Variants in EHMT1 observed in about 807,000 individuals in gnomAD.
EHMT1 encodes the protein euchromatic histone lysine methyltransferase 1.
EHMT1 carries 15 observed loss-of-function variants against 147.2 expected under a neutral mutation model. That is an observed-to-expected ratio of 0.10 (90% CI 0.07 to 0.16). The LOEUF is 0.16. EHMT1 is among the 10% of genes least tolerant of loss of function. The pLI is 1.00. For missense variants in EHMT1, 1,587 were observed against 1,772.4 expected (o/e 0.90, Z 1.88); for synonymous variants, 795 against 709.6 (o/e 1.12, Z -1.91).
At chr9:137,791,163 C>T (rs925811936) in intron 16 of EHMT1, among the ~76,000 whole-genome samples, 193 bp downstream of exon 16, 3 of 152,186 alleles carry the variant, frequency 2.0e-5, no homozygotes, top group Admixed American at 2.0e-4. Flanking sequence ...AGTGCTCACT[C>T]TCTACAGAGC....
intron 25 of EHMT1, among the ~76,000 whole-genome samples, chr9:137,818,597 C>G (rs1476875748): frequency 1.8e-3 from 153 of 87,080 alleles, no homozygotes; most frequent in East Asian, 2.4e-3. Context: ...GATTGAGGGG[C>G]GCCATGTACC....
In EHMT1 at chr9:137,828,413, A is replaced by T. The variant is rs1955966368; in HGVS notation, c.3541-5936A>T. On this transcript the variant is annotated intron_variant, in intron 25 of 26. Coordinates refer to ENST00000460843, the MANE Select transcript of EHMT1 (RefSeq NM_024757.5). This position sits in a 1 kb window ranked among gnomAD's most constrained non-coding sequence, Gnocchi z 5.3. ...CTGGGCTGGGTCATCAGGCATGACC[A>T]TTGCCAAGGCCACATCCTGACTCTA... Among the ~76,000 whole-genome samples the T allele has an allele frequency of 6.6e-6, 1 of 151,900 alleles. No homozygotes were observed. The highest frequency in any genetic ancestry group is 1.9e-4 in the East Asian group (1 of 5,154).
intron 3 of EHMT1, among the ~76,000 whole-genome samples, chr9:137,721,254 T>A (rs113779744): frequency 3.0e-5 from 2 of 66,810 alleles, no homozygotes; most frequent in African/African-American, 1.1e-4. Flanking sequence ...ACTCGCCCCC[T>A]CCCAGACTTC....
At chr9:137,647,781 G>C (rs1180558692) in intron 1 of EHMT1, among the ~76,000 whole-genome samples, 1 of 151,848 alleles carries the variant, frequency 6.6e-6, no homozygotes, top group Non-Finnish European at 1.5e-5. Context: ...ATTTTTAGTA[G>C]AGACGGGGTT....
chr9:137,737,116 G>A lies in EHMT1; in HGVS notation c.824-6255G>A, dbSNP rs543430397. Among the ~76,000 whole-genome samples, 3 of 152,228 alleles carry A rather than the reference G, an allele frequency of 2.0e-5. No homozygotes were observed. In the South Asian group the frequency reaches 6.2e-4, roughly 32 times the overall value. On this transcript the variant is annotated intron_variant, in intron 4 of 26. Transcript: ENST00000460843. ...CTACTCCAGAGCCCCAGAGGCTGAG[G>A]TGGGAGGATTGCTGGAGCCCAGAAG...
intron 18 of EHMT1, among the ~76,000 whole-genome samples, chr9:137,806,286 A>G (rs762241377): frequency 6.6e-6 from 1 of 151,642 alleles, no homozygotes; most frequent in African/African-American, 2.4e-5. Flanking sequence ...AAGACTGCAG[A>G]AGAGCTCTGC....
At chr9:137,661,330 TA>T (rs535970050) in intron 1 of EHMT1, among the ~76,000 whole-genome samples, 176 of 152,172 alleles carry the variant, frequency 1.2e-3, no homozygotes, top group African/African-American at 3.7e-3. Context: ...GGATGGTGTT[TA>T]TTTTTTTAAT....
rs1027330452 is a variant in EHMT1 at position 137,744,239 on chromosome 9, A to T, written c.1170+149A>T. On this transcript the variant is annotated intron_variant, in intron 6 of 26. Coordinates refer to ENST00000460843, the MANE Select transcript of EHMT1 (RefSeq NM_024757.5). ...AGATTTTTGTATTTTATTTTTCTTG[A>T]TTTATTAGATTATTTTCATTCAAGA... is the stretch of plus-strand genomic sequence containing the variant. 3 of 804,650 alleles carry T rather than the reference A, an allele frequency of 3.7e-6. No homozygotes were observed. The African/African-American group carries it at 5.2e-5, about 14-fold the overall frequency. 49.8% of individuals were successfully genotyped at this position (804,650 alleles called of 1,614,324 possible). A position where few individuals can be genotyped will look rare whatever the true frequency, so the allele number is the denominator to read the frequency against.
intron 25 of EHMT1, among the ~76,000 whole-genome samples, chr9:137,819,624 G>A (rs7467957): frequency 0.18 from 21,312 of 116,734 alleles, 2,048 homozygotes; most frequent in Admixed American, 0.25. Context: ...ATTGAGGGGC[G>A]CCGTGTACCG....
rs375936855 is a variant in EHMT1, at chr9:137,620,028, A to G, written c.21+979A>G. 2.6e-5 allele frequency: 4 copies of G among 152,344 alleles called. No individual in the cohort carries two copies. In the East Asian group the frequency reaches 7.7e-4, roughly 29 times the overall value. 9.4% of individuals were successfully genotyped at this position (152,344 alleles called of 1,614,324 possible). On this transcript the variant is annotated intron_variant, in intron 1 of 26. Coordinates refer to ENST00000460843, the MANE Select transcript of EHMT1 (RefSeq NM_024757.5). ...GTTAAGGTGTAGTAAGAAGCCGTAC[A>G]GTATCCTGGTGCATAGACTTAACAC... is the stretch of plus-strand genomic sequence containing the variant.
chr9:137,696,143 C>G (rs1943378495), intron 1 of EHMT1, among the ~76,000 whole-genome samples: 1 of 151,954 alleles, frequency 6.6e-6, no homozygotes, highest in Admixed American at 6.5e-5. Flanking sequence ...AGGGAAAAAA[C>G]AAAAAGACAA....
intron 25 of EHMT1, chr9:137,832,536 CCA>C (rs1251165111): frequency 6.5e-6 from 1 of 153,100 alleles, no homozygotes; most frequent in Non-Finnish European, 1.4e-5. Context: ...GGCCCTCCCC[CCA>C]CCCACCCATG....
At chr9:137,666,062 T>C (rs1332117617) in intron 1 of EHMT1, 1 of 152,266 alleles carries the variant, frequency 6.6e-6, no homozygotes, top group Non-Finnish European at 1.5e-5. Context: ...GGTACTTTTT[T>C]TCTTTTGCTT....
At chr9:137,833,850 G>A (rs1372270472) in intron 25 of EHMT1, among the ~76,000 whole-genome samples, 9 of 152,198 alleles carry the variant, frequency 5.9e-5, no homozygotes, top group Non-Finnish European at 1.3e-4. Flanking sequence ...GGTGCCATTC[G>A]CCACTGAGTC....
intron 18 of EHMT1, among the ~76,000 whole-genome samples, chr9:137,808,711 A>C (rs1361985692): frequency 6.6e-6 from 1 of 151,988 alleles, no homozygotes; most frequent in South Asian, 2.1e-4. Flanking sequence ...ACTTGAGGTC[A>C]GGAGTTTGAG....
At chr9:137,735,064 T>G (rs1400988369) in intron 4 of EHMT1, among the ~76,000 whole-genome samples, 2 of 152,214 alleles carry the variant, frequency 1.3e-5, no homozygotes, top group African/African-American at 4.8e-5. Context: ...TACCTCCACT[T>G]TTTGTTTTCT....
At position 137,834,520 on chromosome 9, in the gene EHMT1, C is replaced by T; in HGVS notation, c.3712C>T (p.Leu1238Phe). The change falls in exon 26 of 27, where the codon CTC becomes TTC. Residue 1238 changes from leucine (L) to phenylalanine (F), a missense_variant. Coordinates refer to ENST00000460843, the MANE Select transcript of EHMT1 (RefSeq NM_024757.5). ...STRLIEAGEQLGFDYGERFWD... is the reference protein window; with the variant it reads ...STRLIEAGEQFGFDYGERFWD... ...CCGCCTGATCGAGGCCGGCGAGCAG[C>T]TCGGGTACGCACCGCCCCGGCCCCT... The T allele has an allele frequency of 6.2e-7, 1 of 1,610,480 alleles. No individual in the cohort carries two copies. Among genetic ancestry groups the T allele is most frequent in the Non-Finnish European group, 8.5e-7 (1 of 1,179,702 alleles).
intron 1 of EHMT1, among the ~76,000 whole-genome samples, chr9:137,668,733 CTT>C (rs34070687): frequency 0.23 from 33,456 of 148,338 alleles, 4,078 homozygotes; most frequent in Admixed American, 0.33. Flanking sequence ...TTAGTGTTTT[CTT>C]TTTTTTTTTT....
At chr9:137,801,037 C>T (rs1246595517) in intron 18 of EHMT1, 53 bp downstream of exon 18, 2 of 1,526,198 alleles carry the variant, frequency 1.3e-6, no homozygotes, top group Admixed American at 3.4e-5. Context: ...GTGGGGACCT[C>T]CTCCCCCAGA....
Sources: allele counts gnomAD v4.1 joint callset (sites outside exome capture counted in the v4.1 genomes callset), GRCh38; gene constraint gnomAD v4.1.1; non-coding constraint Gnocchi (gnomAD v3.1); transcripts MANE v1.5; gene names NCBI Gene and HGNC (gene_info 2026-07-23, HGNC 2026-07-21).